Variants in COMMD1 observed in about 807,000 individuals in gnomAD.
The protein encoded by COMMD1 is copper metabolism domain containing 1.
In COMMD1, 10 loss-of-function variants were observed where a neutral mutation model predicts 17.2. The observed-to-expected ratio is 0.58, with a 90% CI of 0.36 to 0.99. The LOEUF (loss-of-function observed/expected upper bound fraction) is 0.99, where lower values mean the gene tolerates loss of function less well. Among genes scored for constraint, COMMD1 ranks in the 50% least tolerant of loss-of-function variants. The probability of loss-of-function intolerance (pLI) is 0.01; values close to 1 mark genes in which losing one functional copy is unlikely to be tolerated. For missense variants in COMMD1, 270 were observed against 231.8 expected, an observed-to-expected ratio of 1.17 and a Z score of -1.07; for synonymous variants, 97 against 91.6, an observed-to-expected ratio of 1.06 and a Z score of -0.34.
intron 2 of COMMD1, among the ~76,000 whole-genome samples, chr2:62,066,121 A>T (rs183159349): frequency 6.6e-6 from 1 of 152,270 alleles, no homozygotes; most frequent in East Asian, 1.9e-4. Context: ...ACTTGTCCTT[A>T]TTTCTTCTGA....
intron 2 of COMMD1, among the ~76,000 whole-genome samples, chr2:62,086,722 C>G (rs1430919945): frequency 1.3e-5 from 2 of 152,090 alleles, no homozygotes; most frequent in Non-Finnish European, 2.9e-5. Context: ...TAAATGTTCC[C>G]CAGAACTAGA....
chr2:62,032,439 G>T (rs1256936825), intron 2 of COMMD1, among the ~76,000 whole-genome samples: 2 of 152,184 alleles, frequency 1.3e-5, no homozygotes, highest in African/African-American at 4.8e-5. Context: ...AGGAGGCTCG[G>T]GTGGGAGGAT....
chr2:61,935,015 G>A (rs1670566811), intron 1 of COMMD1, among the ~76,000 whole-genome samples: 1 of 152,172 alleles, frequency 6.6e-6, no homozygotes, highest in Admixed American at 6.5e-5. Flanking sequence ...TGGAAGATGT[G>A]GGTGTTCAGT....
intron 2 of COMMD1, among the ~76,000 whole-genome samples, chr2:62,008,577 T>C (rs1017810587): frequency 6.6e-6 from 1 of 152,214 alleles, no homozygotes; most frequent in Admixed American, 6.5e-5. Flanking sequence ...TAAGCTGTAA[T>C]GCAAGCAATA....
chr2:62,051,312 G>C (rs573663544), intron 2 of COMMD1, among the ~76,000 whole-genome samples: 12 of 152,112 alleles, frequency 7.9e-5, no homozygotes, highest in African/African-American at 2.7e-4. Context: ...GATCTCTGAG[G>C]GTTCAGTAAA....
At chr2:62,078,382 T>A (rs1326563811) in intron 2 of COMMD1, among the ~76,000 whole-genome samples, 1 of 143,342 alleles carries the variant, frequency 7.0e-6, no homozygotes, top group Non-Finnish European at 1.5e-5. Context: ...TGAAACTCTG[T>A]CTCTATTAAA....
chr2:61,914,038 G>A (rs1482714516), intron 1 of COMMD1, among the ~76,000 whole-genome samples: 2 of 151,910 alleles, frequency 1.3e-5, no homozygotes, highest in African/African-American at 4.8e-5. Context: ...CACGTGTGGT[G>A]GTGGGAGCCT....
chr2:62,027,454 T>C (rs535386108), intron 2 of COMMD1, among the ~76,000 whole-genome samples: 1 of 152,332 alleles, frequency 6.6e-6, no homozygotes, highest in South Asian at 2.1e-4. Flanking sequence ...TTCATAATTT[T>C]TTTGTCACAC....
chr2:62,002,736 A>G (rs1668985953), intron 2 of COMMD1, among the ~76,000 whole-genome samples: 8 of 151,682 alleles, frequency 5.3e-5, no homozygotes, highest in Admixed American at 5.3e-4. Context: ...GGCACCTGTA[A>G]TCCCAGTTAC....
At chr2:62,006,113 C>T (rs1418681417) in intron 2 of COMMD1, among the ~76,000 whole-genome samples, 3 of 144,574 alleles carry the variant, frequency 2.1e-5, no homozygotes, top group African/African-American at 7.7e-5. Flanking sequence ...CCAAACACCG[C>T]ATGTTCTCAC....
intron 1 of COMMD1, among the ~76,000 whole-genome samples, chr2:61,992,614 C>T (rs1558552278): frequency 6.6e-6 from 1 of 152,206 alleles, no homozygotes; most frequent in Non-Finnish European, 1.5e-5. Flanking sequence ...TTACAGAAAA[C>T]TTGCCAACTC....
chr2:62,098,167 T>TC (rs1436939050), intron 2 of COMMD1, among the ~76,000 whole-genome samples: 4 of 148,944 alleles, frequency 2.7e-5, no homozygotes, highest in African/African-American at 9.8e-5. Flanking sequence ...TCTTTCTTTT[T>TC]TTTTTTTTTT....
At chr2:61,982,015 C>T (rs934759436) in intron 1 of COMMD1, among the ~76,000 whole-genome samples, 1 of 152,116 alleles carries the variant, frequency 6.6e-6, no homozygotes, top group Non-Finnish European at 1.5e-5. Context: ...TTTTCTGTTT[C>T]TGTGAAGAAT....
chr2:61,997,084 G>A (rs1253294664), intron 1 of COMMD1, among the ~76,000 whole-genome samples: 1 of 149,554 alleles, frequency 6.7e-6, no homozygotes, highest in African/African-American at 2.5e-5. Context: ...TTTTTAGACA[G>A]GGTCTTGCTG....
At chr2:61,967,107 T>C (rs950753809) in intron 1 of COMMD1, among the ~76,000 whole-genome samples, 1 of 152,294 alleles carries the variant, frequency 6.6e-6, no homozygotes, top group Non-Finnish European at 1.5e-5. Context: ...ATGGGGCCAG[T>C]TGATGAAGTC....
At chr2:62,066,592 A>T (rs955064768) in intron 2 of COMMD1, among the ~76,000 whole-genome samples, 1 of 151,724 alleles carries the variant, frequency 6.6e-6, no homozygotes, top group Admixed American at 6.6e-5. Context: ...TAGTAGAGAC[A>T]GGGTTTCACC....
intron 2 of COMMD1, among the ~76,000 whole-genome samples, chr2:62,015,867 C>T (rs1401938491): frequency 1.3e-5 from 2 of 152,010 alleles, no homozygotes; most frequent in Admixed American, 1.3e-4. Context: ...GAGTCTTGCT[C>T]CATCTCCCAG....
chr2:61,952,203 T>C (rs537505195), intron 1 of COMMD1, among the ~76,000 whole-genome samples: 92 of 152,306 alleles, frequency 6.0e-4, no homozygotes, highest in Non-Finnish European at 8.4e-4. Flanking sequence ...AGGATAATAT[T>C]CCTTTCCTAA....
Position 62,099,575 on chromosome 2 carries a change from T to C in COMMD1, c.463-36256T>C, listed in dbSNP as rs186304606. Among the ~76,000 whole-genome samples, 387 of 145,592 alleles carry C rather than the reference T, an allele frequency of 2.7e-3. 4 individuals are homozygous for C. The highest frequency in any genetic ancestry group is 0.026 in the East Asian group (131 of 5,084). On this transcript the variant is annotated intron_variant, in intron 2 of 2. Coordinates refer to ENST00000311832, the MANE Select transcript of COMMD1 (RefSeq NM_152516.4). ...GAGGGTTTATTTGCTATCTCTCTCTTTTTTTTTTTTTTAAGAGCAATTGAC... is the reference window on the plus strand; with the variant it reads ...GAGGGTTTATTTGCTATCTCTCTCTCTTTTTTTTTTTTAAGAGCAATTGAC...
Sources: allele counts gnomAD v4.1 joint callset (sites outside exome capture counted in the v4.1 genomes callset), GRCh38; gene constraint gnomAD v4.1.1; transcripts MANE v1.5; gene names NCBI Gene and HGNC (gene_info 2026-07-23, HGNC 2026-07-21).